The following MEGF10 variants were observed in gnomAD, a reference collection of about 807,000 sequenced individuals.
MEGF10 encodes multiple EGF like domains 10, also known as multiple epidermal growth factor-like domains protein 10.
A neutral mutation model predicts 147.5 loss-of-function variants in MEGF10; 86 were observed. That is an observed-to-expected ratio of 0.58 (90% CI 0.49 to 0.70). The LOEUF is 0.70. Among genes scored for constraint, MEGF10 ranks in the 30% least tolerant of loss-of-function variants. MEGF10 has a pLI of 0.00. For missense variants in MEGF10, 1,329 were observed against 1,487.3 expected, an observed-to-expected ratio of 0.89 and a Z score of 1.75; for synonymous variants, 478 against 525.5, an observed-to-expected ratio of 0.91 and a Z score of 1.24.
chr5:127,384,431 C>A (rs950142424), intron 5 of MEGF10, among the ~76,000 whole-genome samples: 4 of 152,204 alleles, frequency 2.6e-5, no homozygotes, highest in Non-Finnish European at 5.9e-5. Flanking sequence ...TGAATGTAAT[C>A]CTCCCAAATT....
At chr5:127,422,234 C>A (rs1284548672) in intron 12 of MEGF10, among the ~76,000 whole-genome samples, 1 of 151,982 alleles carries the variant, frequency 6.6e-6, no homozygotes, top group East Asian at 1.9e-4. Context: ...AAGATGCATC[C>A]CTCTGGCTGG....
the MEGF10 span, among the ~76,000 whole-genome samples, chr5:127,256,131 C>G: frequency 2.0e-5 from 3 of 152,310 alleles, no homozygotes; most frequent in Admixed American, 2.0e-4. Flanking sequence ...TAAGTTAAAA[C>G]TGTACCTGGT....
intron 5 of MEGF10, among the ~76,000 whole-genome samples, chr5:127,372,661 G>A (rs1437837359): frequency 6.6e-6 from 1 of 152,152 alleles, no homozygotes; most frequent in African/African-American, 2.4e-5. Flanking sequence ...CAGGTATCCT[G>A]TAGAATGTTC....
At chr5:127,319,708 G>A (rs1760717798) in intron 1 of MEGF10, among the ~76,000 whole-genome samples, 1 of 152,164 alleles carries the variant, frequency 6.6e-6, no homozygotes, top group Non-Finnish European at 1.5e-5. Flanking sequence ...GCACTCACAA[G>A]TTGCCTTATT....
chr5:127,340,878 G>A (rs1761653376), intron 4 of MEGF10, among the ~76,000 whole-genome samples: 1 of 152,136 alleles, frequency 6.6e-6, no homozygotes, highest in Admixed American at 6.6e-5. Flanking sequence ...ATGATTCAAG[G>A]CCGGATGTGG....
the MEGF10 span, among the ~76,000 whole-genome samples, chr5:127,264,582 T>C: frequency 6.6e-6 from 1 of 152,126 alleles, no homozygotes; most frequent in African/African-American, 2.4e-5. Context: ...TTCGTTCTGC[T>C]TTTCTCTATG....
chr5:127,409,529 T>G (rs1580831760), intron 8 of MEGF10: 1 of 152,410 alleles, frequency 6.6e-6, no homozygotes, highest in East Asian at 1.9e-4. Context: ...TCATTTTCTC[T>G]TTTCTATCTC....
intron 4 of MEGF10, among the ~76,000 whole-genome samples, chr5:127,343,932 C>T (rs1458444999): frequency 6.6e-6 from 1 of 152,142 alleles, no homozygotes; most frequent in East Asian, 1.9e-4. Flanking sequence ...GGAATAGTGC[C>T]AGTCTCAGAA....
chr5:127,331,015 T>C (rs993241036), intron 1 of MEGF10, among the ~76,000 whole-genome samples: 1 of 152,236 alleles, frequency 6.6e-6, no homozygotes, highest in Non-Finnish European at 1.5e-5. Flanking sequence ...TTCTTTAATA[T>C]TGGCTGGCAT....
At chr5:127,247,284 TG>T in the MEGF10 span, among the ~76,000 whole-genome samples, 7 of 102,984 alleles carry the variant, frequency 6.8e-5, no homozygotes, top group Admixed American at 6.0e-4. Context: ...TGTGTGTGGT[TG>T]GGGGGTGGGG....
At position 127,417,645 on chromosome 5, in the gene MEGF10, C is replaced by A; in HGVS notation, c.1138C>A (p.Pro380Thr). ...TTCATCCATGTCTCTCAGCTGTCACCCCATGTCTGGAGAGTGTGCCTGCAA... is the reference window on the plus strand; with the variant it reads ...TTCATCCATGTCTCTCAGCTGTCACACCATGTCTGGAGAGTGTGCCTGCAA... The part of the protein sequence containing the change: ...CHLENTHSCH[P>T]MSGECACKPG... Residue 380 changes from proline (P) to threonine (T), a missense_variant, in exon 10 of 25, where the codon CCC (proline) becomes ACC (threonine). Pro to Thr is a conservative substitution (Grantham distance 38, BLOSUM62 -1). Coordinates refer to ENST00000503335, the MANE Select transcript of MEGF10 (RefSeq NM_001256545.2). 1 of 1,614,152 alleles carries A rather than the reference C, an allele frequency of 6.2e-7. No homozygotes were observed. Among genetic ancestry groups the A allele is most frequent in the Non-Finnish European group, 8.5e-7 (1 of 1,180,010 alleles).
At position 127,459,696 on chromosome 5, in the gene MEGF10, G is replaced by A. The variant is rs1028587721; in HGVS notation, c.*2378G>A. On this transcript the variant is annotated 3_prime_UTR_variant, in exon 25 of 25. Coordinates refer to ENST00000503335, the MANE Select transcript of MEGF10 (RefSeq NM_001256545.2). Reference sequence around the variant, plus strand: ...AGGGGCCACTGCCATCCCTTCCTGTGTGCTCTTTTTGACAAGTAAATCACT... The same window carrying A: ...AGGGGCCACTGCCATCCCTTCCTGTATGCTCTTTTTGACAAGTAAATCACT... 1 of 152,182 alleles carries A rather than the reference G, an allele frequency of 6.6e-6. No homozygotes were observed. The highest frequency in any genetic ancestry group is 1.5e-5 in the Non-Finnish European group (1 of 68,038). The allele number at this position is 152,182 out of a possible 1,614,324, so 9.4% of individuals were successfully genotyped here.
the MEGF10 span, among the ~76,000 whole-genome samples, chr5:127,272,300 TGTACCAGTACCA>T: frequency 5.9e-5 from 9 of 152,334 alleles, no homozygotes; most frequent in Admixed American, 5.2e-4. Flanking sequence ...TGTCTGTTCT[TGTACCAGTACCA>T]GTACCATGCT....
chr5:127,359,322 T>A (rs1561592548), intron 4 of MEGF10, among the ~76,000 whole-genome samples: 1 of 152,006 alleles, frequency 6.6e-6, no homozygotes, highest in Non-Finnish European at 1.5e-5. Flanking sequence ...TTTGCCTTTC[T>A]GTAAAAGTTC....
At chr5:127,444,909 G>T (rs1765885210) in intron 19 of MEGF10, 1 of 152,920 alleles carries the variant, frequency 6.5e-6, no homozygotes, top group South Asian at 2.1e-4. Context: ...CATAAAATTT[G>T]GTTAAGCAGT....
chr5:127,288,404 A>G (rs898534220), upstream of MEGF10, among the ~76,000 whole-genome samples: 19 of 152,266 alleles, frequency 1.2e-4, no homozygotes, highest in African/African-American at 3.8e-4. Context: ...GAATCCAAAG[A>G]CTTGATTAAA....
the MEGF10 span, among the ~76,000 whole-genome samples, chr5:127,244,984 T>G: frequency 6.6e-6 from 1 of 152,206 alleles, no homozygotes; most frequent in Non-Finnish European, 1.5e-5. Flanking sequence ...AATCATTCCA[T>G]GCTCATGGAT....
intron 1 of MEGF10, among the ~76,000 whole-genome samples, chr5:127,293,013 C>T (rs991795270): frequency 2.6e-5 from 4 of 152,146 alleles, no homozygotes; most frequent in Admixed American, 1.3e-4. Context: ...ATAAAAAGCA[C>T]GTATCATTGA....
chr5:127,251,956 A>C, the MEGF10 span, among the ~76,000 whole-genome samples: 1 of 151,998 alleles, frequency 6.6e-6, no homozygotes, highest in Non-Finnish European at 1.5e-5. Context: ...AAAATGAATG[A>C]TGGATATTAA....
Sources: allele counts gnomAD v4.1 joint callset (sites outside exome capture counted in the v4.1 genomes callset), GRCh38; gene constraint gnomAD v4.1.1; transcripts MANE v1.5; gene names NCBI Gene and HGNC (gene_info 2026-07-23, HGNC 2026-07-21).